The following KCNIP4 variants were observed in gnomAD, a reference collection of about 807,000 sequenced individuals.
The protein encoded by KCNIP4 is potassium voltage-gated channel interacting protein 4.
KCNIP4 carries 12 observed loss-of-function variants against 34.0 expected under a neutral mutation model. The observed-to-expected ratio is 0.35, with a 90% CI of 0.23 to 0.57. The LOEUF (loss-of-function observed/expected upper bound fraction) is 0.57, where lower values mean the gene tolerates loss of function less well. KCNIP4 is among the 20% of genes least tolerant of loss of function. The pLI, the probability that KCNIP4 is intolerant of heterozygous loss-of-function variation, is 0.83. For missense variants in KCNIP4, 238 were observed against 311.7 expected, an observed-to-expected ratio of 0.76 and a Z score of 1.78; for synonymous variants, 124 against 102.2, an observed-to-expected ratio of 1.21 and a Z score of -1.29.
At chr4:20,936,886 T>C (rs1487917631) in intron 1 of KCNIP4, among the ~76,000 whole-genome samples, 1 of 152,144 alleles carries the variant, frequency 6.6e-6, no homozygotes, top group African/African-American at 2.4e-5. Flanking sequence ...AAATGAATAA[T>C]AGTTACTCTG....
At chr4:21,791,350 A>G (rs1720270705) in intron 1 of KCNIP4, among the ~76,000 whole-genome samples, 1 of 152,080 alleles carries the variant, frequency 6.6e-6, no homozygotes, top group Admixed American at 6.6e-5. Flanking sequence ...TACCATCAGG[A>G]GGTATTAGAG....
chr4:21,746,639 A>C (rs1300206790), intron 1 of KCNIP4, among the ~76,000 whole-genome samples: 2 of 152,068 alleles, frequency 1.3e-5, no homozygotes, highest in Non-Finnish European at 2.9e-5. Context: ...TTCTAGGAAG[A>C]TATCTTTACT....
intron 2 of KCNIP4, among the ~76,000 whole-genome samples, chr4:20,858,896 C>G (rs779001654): frequency 2.0e-5 from 3 of 152,194 alleles, no homozygotes; most frequent in Non-Finnish European, 4.4e-5. Flanking sequence ...ATAACTTACT[C>G]AAGGTCATAC....
intron 1 of KCNIP4, among the ~76,000 whole-genome samples, chr4:21,346,877 G>A (rs1162015263): frequency 6.6e-6 from 1 of 152,028 alleles, no homozygotes; most frequent in Non-Finnish European, 1.5e-5. Flanking sequence ...TGCACCTCAT[G>A]GTTTTAGGTT....
At chr4:20,959,365 G>A (rs923814422) in intron 1 of KCNIP4, among the ~76,000 whole-genome samples, 1 of 152,212 alleles carries the variant, frequency 6.6e-6, no homozygotes, top group African/African-American at 2.4e-5. Context: ...CAGTGACACA[G>A]GTTTAAGGCT....
chr4:21,224,971 A>T (rs554988148), intron 1 of KCNIP4, among the ~76,000 whole-genome samples: 29 of 152,308 alleles, frequency 1.9e-4, no homozygotes, highest in African/African-American at 6.3e-4. Context: ...GAAGTATTCA[A>T]CACCTTATTA....
At chr4:21,543,462 A>G (rs1452395099) in intron 1 of KCNIP4, among the ~76,000 whole-genome samples, 2 of 151,846 alleles carry the variant, frequency 1.3e-5, no homozygotes. Context: ...TAATCTCTGG[A>G]CCCCATGAAA....
chr4:21,200,291 T>C (rs1281753705), intron 1 of KCNIP4, among the ~76,000 whole-genome samples: 1 of 148,288 alleles, frequency 6.7e-6, no homozygotes, highest in Non-Finnish European at 1.5e-5. Flanking sequence ...GATGTGTGTG[T>C]GTGTGTGTGT....
At chr4:21,918,743 C>T (rs913845266) in intron 1 of KCNIP4, among the ~76,000 whole-genome samples, 1 of 152,140 alleles carries the variant, frequency 6.6e-6, no homozygotes, top group Non-Finnish European at 1.5e-5. Flanking sequence ...GGTTTTAAGA[C>T]AGTGTCCGGT....
chr4:21,292,532 A>G (rs1333647211), intron 1 of KCNIP4, among the ~76,000 whole-genome samples: 1 of 152,168 alleles, frequency 6.6e-6, no homozygotes, highest in Non-Finnish European at 1.5e-5. Context: ...GTGTTCTTTT[A>G]AAACTATGAC....
intron 1 of KCNIP4, among the ~76,000 whole-genome samples, chr4:21,259,562 T>C (rs906611122): frequency 2.0e-5 from 3 of 152,210 alleles, no homozygotes; most frequent in Non-Finnish European, 2.9e-5. Flanking sequence ...ACTGGTTGTA[T>C]GCTGGAACTC....
chr4:21,122,166 CA>C lies in KCNIP4; in HGVS notation c.62-239458del, dbSNP rs980973783. On this transcript the variant is annotated intron_variant, in intron 1 of 8. Coordinates refer to ENST00000382152, the MANE Select transcript of KCNIP4 (RefSeq NM_025221.6). ...CCTAAAGAAAGTGGGGCTAATTTTG[CA>C]GATCAAGTTTTTTTTTTTTTTAAGT... 5.5e-5 allele frequency among the ~76,000 whole-genome samples: 8 copies of C among 146,108 alleles called. No homozygotes were observed. In the Admixed American group the frequency reaches 5.5e-4, roughly 10 times the overall value.
At chr4:21,072,772 G>A (rs1217450681) in intron 1 of KCNIP4, among the ~76,000 whole-genome samples, 1 of 152,092 alleles carries the variant, frequency 6.6e-6, no homozygotes, top group Non-Finnish European at 1.5e-5. Flanking sequence ...GGTTTTTATG[G>A]TTTTGGGTCT....
At chr4:21,842,933 T>C (rs531853793) in intron 1 of KCNIP4, among the ~76,000 whole-genome samples, 5 of 152,112 alleles carry the variant, frequency 3.3e-5, no homozygotes, top group African/African-American at 4.8e-5. Context: ...AGTTAATTCC[T>C]TGTAGAGTAC....
intron 1 of KCNIP4, among the ~76,000 whole-genome samples, chr4:21,065,847 A>G (rs1222674588): frequency 6.7e-6 from 1 of 150,210 alleles, no homozygotes; most frequent in Non-Finnish European, 1.5e-5. Context: ...ATTTATTTTC[A>G]AAATGTGAAT....
intron 1 of KCNIP4, among the ~76,000 whole-genome samples, chr4:21,335,350 C>T (rs953580978): frequency 2.0e-5 from 3 of 151,860 alleles, no homozygotes; most frequent in African/African-American, 7.3e-5. Context: ...TAAAGAAATC[C>T]AGAAAGCACA....
chr4:21,084,000 CTCCCAAGACAGCCTTCT>C (rs1310859420), intron 1 of KCNIP4, among the ~76,000 whole-genome samples: 1 of 151,896 alleles, frequency 6.6e-6, no homozygotes, highest in Non-Finnish European at 1.5e-5. Context: ...ACCCTGATGT[CTCCCAAGACAGCCTTCT>C]GATTGCTGAG....
chr4:21,371,663 C>T (rs1399138621), intron 1 of KCNIP4, among the ~76,000 whole-genome samples: 2 of 147,152 alleles, frequency 1.4e-5, no homozygotes, highest in Admixed American at 6.6e-5. Flanking sequence ...TTCTATATAG[C>T]ATCTTGGGAA....
Position 21,008,609 on chromosome 4 carries a change from C to T in KCNIP4, c.62-125900G>A, listed in dbSNP as rs185208264. Among the ~76,000 whole-genome samples, 801 of 151,870 alleles carry T rather than the reference C, an allele frequency of 5.3e-3. 24 individuals carry two copies. The East Asian group carries it at 0.1, about 20-fold the overall frequency. On this transcript the variant is annotated intron_variant, in intron 1 of 8. Coordinates refer to ENST00000382152, the MANE Select transcript of KCNIP4 (RefSeq NM_025221.6). ...TGCGATCTCGGCTCACTGCAAGCTC[C>T]GCCTCCCGGGTTCACGCCATTCTCC...
Sources: allele counts gnomAD v4.1 joint callset (sites outside exome capture counted in the v4.1 genomes callset), GRCh38; gene constraint gnomAD v4.1.1; transcripts MANE v1.5; gene names NCBI Gene and HGNC (gene_info 2026-07-23, HGNC 2026-07-21).